Variants in SLC25A21 observed in about 807,000 individuals in gnomAD.
The protein encoded by SLC25A21 is solute carrier family 25 member 21, also known as mitochondrial 2-oxodicarboxylate carrier.
Under a neutral mutation model 43.8 loss-of-function variants are expected in SLC25A21, and 47 were observed. The observed-to-expected ratio is 1.07, with a 90% CI of 0.85 to 1.37. SLC25A21 has a LOEUF of 1.37. Among genes scored for constraint, SLC25A21 ranks in the 40% most tolerant of loss-of-function variants. SLC25A21 has a pLI of 0.00. For missense variants in SLC25A21, 352 were observed against 350.2 expected (o/e 1.00, Z -0.04); for synonymous variants, 131 against 121.3 (o/e 1.08, Z -0.52).
rs115302116 is a variant in SLC25A21, at chr14:36,691,624, C to T, written c.604-6699G>A. Among the ~76,000 whole-genome samples the T allele has an allele frequency of 5.3e-3, 810 of 152,166 alleles. 11 individuals carry two copies. Among genetic ancestry groups the T allele is most frequent in the African/African-American group, 0.019 (769 of 41,502 alleles). On this transcript the variant is annotated intron_variant, in intron 7 of 9. Coordinates refer to ENST00000331299, the MANE Select transcript of SLC25A21 (RefSeq NM_030631.4). ...TGTTATTGACTTTGAGAGGCCAAGGCGGGAGGATAGCTTGAAGCCAGGAGT... is the reference window on the plus strand; with the variant it reads ...TGTTATTGACTTTGAGAGGCCAAGGTGGGAGGATAGCTTGAAGCCAGGAGT...
At chr14:37,109,780 A>G (rs1234804361) in intron 1 of SLC25A21, among the ~76,000 whole-genome samples, 1 of 152,084 alleles carries the variant, frequency 6.6e-6, no homozygotes, top group African/African-American at 2.4e-5. Context: ...GGTCCTTTAA[A>G]ACTTTTTTTT....
intron 1 of SLC25A21, among the ~76,000 whole-genome samples, chr14:37,158,215 T>C (rs1057296192): frequency 1.3e-5 from 2 of 152,114 alleles, no homozygotes; most frequent in Admixed American, 1.3e-4. Flanking sequence ...AGGAGGTAAT[T>C]CTCGCTATCA....
rs547603949 is a variant in SLC25A21 at position 36,893,341 on chromosome 14, A to G, written c.71-18337T>C. ...TTCATGTGTCTGTTGGCTGCATAAA[A>G]GTCTTCTTTCGAGAAGTGTCTGTTC... is the stretch of plus-strand genomic sequence containing the variant. On this transcript the variant is annotated intron_variant, in intron 1 of 9. Transcript: ENST00000331299. Among the ~76,000 whole-genome samples, 21 of 152,274 alleles carry G rather than the reference A, an allele frequency of 1.4e-4. No homozygotes were observed. In the South Asian group the frequency reaches 4.4e-3, roughly 32 times the overall value.
intron 1 of SLC25A21, among the ~76,000 whole-genome samples, chr14:37,168,080 G>C (rs183996397): frequency 2.9e-4 from 44 of 152,146 alleles, no homozygotes; most frequent in Admixed American, 2.6e-3. Context: ...GTGAGGCCTG[G>C]GATCCCACAT....
intron 1 of SLC25A21, among the ~76,000 whole-genome samples, chr14:37,037,343 G>A (rs1961349592): frequency 6.6e-6 from 1 of 152,032 alleles, no homozygotes; most frequent in Admixed American, 6.6e-5. Context: ...TGAGTTTCCT[G>A]GAAGCATCAC....
Position 36,983,776 on chromosome 14 carries a change from A to G in SLC25A21, c.71-108772T>C, listed in dbSNP as rs548984431. ...TAAGTGGATAAAGAAAACGTGTGGTATATATATATACACAACGGAATACTA... is the reference window on the plus strand; with the variant it reads ...TAAGTGGATAAAGAAAACGTGTGGTGTATATATATACACAACGGAATACTA... On this transcript the variant is annotated intron_variant, in intron 1 of 9. Coordinates refer to ENST00000331299, the MANE Select transcript of SLC25A21 (RefSeq NM_030631.4). Among the ~76,000 whole-genome samples, 35 of 152,168 alleles carry G rather than the reference A, an allele frequency of 2.3e-4. No homozygotes were observed. The South Asian group carries it at 6.4e-3, about 28-fold the overall frequency.
At chr14:36,753,448 G>A (rs745728268) in intron 3 of SLC25A21, among the ~76,000 whole-genome samples, 2 of 151,964 alleles carry the variant, frequency 1.3e-5, no homozygotes, top group Non-Finnish European at 2.9e-5. Flanking sequence ...AAAATGGAGA[G>A]TTTGGGGAAC....
At chr14:36,684,662 T>A in intron 8 of SLC25A21, 82 bp downstream of exon 8, 1 of 1,326,532 alleles carries the variant, frequency 7.5e-7, no homozygotes, top group Non-Finnish European at 1.0e-6. Flanking sequence ...GCTTACTGGT[T>A]CTCATCTAAA....
intron 1 of SLC25A21, among the ~76,000 whole-genome samples, chr14:36,888,461 A>C (rs1438228644): frequency 6.6e-6 from 1 of 152,120 alleles, no homozygotes; most frequent in African/African-American, 2.4e-5. Flanking sequence ...TATGTTGACC[A>C]CATAGAAATT....
At position 36,734,791 on chromosome 14, in the gene SLC25A21, A is replaced by G. The variant is rs138788381; in HGVS notation, c.204-218T>C. Reference sequence around the variant, plus strand: ...TGATACTGAGACAGGAATCCCTTAGATAAGTTGCTAAGCATGACCATTAGT... The same window carrying G: ...TGATACTGAGACAGGAATCCCTTAGGTAAGTTGCTAAGCATGACCATTAGT... On this transcript the variant is annotated intron_variant, in intron 3 of 9. Transcript: ENST00000331299. Among the ~76,000 whole-genome samples, 6 of 152,324 alleles carry G rather than the reference A, an allele frequency of 3.9e-5. No homozygotes were observed. In the East Asian group the frequency reaches 9.6e-4, roughly 24 times the overall value.
chr14:36,929,445 G>A (rs936793588), intron 1 of SLC25A21, among the ~76,000 whole-genome samples: 3 of 152,062 alleles, frequency 2.0e-5, no homozygotes, highest in African/African-American at 7.2e-5. Context: ...CCCTGACTTG[G>A]AGAAAAATAG....
intron 1 of SLC25A21, among the ~76,000 whole-genome samples, chr14:36,997,276 A>G (rs1041488253): frequency 1.1e-4 from 16 of 152,260 alleles, no homozygotes; most frequent in Non-Finnish European, 2.2e-4. Context: ...CACTGATGAT[A>G]CAGTCTATGC....
intron 1 of SLC25A21, among the ~76,000 whole-genome samples, chr14:36,929,716 A>T (rs936897896): frequency 6.6e-6 from 1 of 152,156 alleles, no homozygotes; most frequent in African/African-American, 2.4e-5. Context: ...CGATTTACTT[A>T]AAAAGAACAG....
At chr14:36,793,990 T>G (rs151076687) in intron 3 of SLC25A21, among the ~76,000 whole-genome samples, 2 of 151,640 alleles carry the variant, frequency 1.3e-5, no homozygotes, top group African/African-American at 4.8e-5. Flanking sequence ...ATTTATTTTA[T>G]TGGGCTATGA....
intron 7 of SLC25A21, among the ~76,000 whole-genome samples, chr14:36,686,352 C>T (rs1398031598): frequency 6.6e-6 from 1 of 152,106 alleles, no homozygotes; most frequent in Non-Finnish European, 1.5e-5. Flanking sequence ...CCTCTCCCCC[C>T]ATTTTTTCTC....
intron 1 of SLC25A21, among the ~76,000 whole-genome samples, chr14:36,951,192 A>G (rs1440158498): frequency 6.6e-6 from 1 of 151,928 alleles, no homozygotes. Flanking sequence ...ATACACAAAA[A>G]GAGCAATAGT....
intron 1 of SLC25A21, among the ~76,000 whole-genome samples, chr14:36,973,571 T>C (rs754381681): frequency 1.4e-4 from 21 of 152,334 alleles, no homozygotes; most frequent in Non-Finnish European, 1.9e-4. Context: ...GAAGACAGAT[T>C]TGAGCTCAAG....
intron 1 of SLC25A21, among the ~76,000 whole-genome samples, chr14:37,097,397 G>A (rs1316119522): frequency 6.6e-6 from 1 of 152,072 alleles, no homozygotes; most frequent in South Asian, 2.1e-4. Context: ...ACCGCACTCG[G>A]CCAAATGTGT....
At chr14:37,038,841 A>G (rs1961382441) in intron 1 of SLC25A21, among the ~76,000 whole-genome samples, 1 of 152,084 alleles carries the variant, frequency 6.6e-6, no homozygotes, top group East Asian at 1.9e-4. Flanking sequence ...CTGAAGCCTG[A>G]CGTCCTGTGG....
Sources: gnomAD v4.1 joint callset for allele counts (sites outside exome capture counted in the v4.1 genomes callset) on GRCh38, gnomAD v4.1.1 for gene constraint, MANE v1.5 for transcripts, NCBI Gene and HGNC (gene_info 2026-07-23, HGNC 2026-07-21) for gene names.